The following CHST11 variants were observed in gnomAD, a reference collection of about 807,000 sequenced individuals.
CHST11 encodes the protein carbohydrate sulfotransferase 11.
In CHST11, 9 loss-of-function variants were observed where a neutral mutation model predicts 30.4. The observed-to-expected ratio is 0.30, with a 90% CI of 0.18 to 0.52. The LOEUF is 0.52. Ranked by LOEUF, CHST11 falls within the 20% of genes least tolerant of loss-of-function variation. The pLI, the probability that CHST11 is intolerant of heterozygous loss-of-function variation, is 0.97. For synonymous variants in CHST11, 152 were observed against 187.8 expected (o/e 0.81, Z 1.56); for missense variants, 348 against 460.6 (o/e 0.76, Z 2.24).
chr12:104,599,363 C>T (rs1451030426), intron 1 of CHST11, among the ~76,000 whole-genome samples: 1 of 152,196 alleles, frequency 6.6e-6, no homozygotes, highest in Non-Finnish European at 1.5e-5. Flanking sequence ...TTTCACCGCG[C>T]GGTCCCGGAG....
intron 1 of CHST11, among the ~76,000 whole-genome samples, chr12:104,557,032 T>C (rs1199043531): frequency 3.3e-5 from 5 of 151,906 alleles, no homozygotes. Flanking sequence ...CACCAGTCAT[T>C]GGATATTGGA....
chr12:104,554,687 T>A (rs2038437808), intron 1 of CHST11, among the ~76,000 whole-genome samples: 1 of 152,216 alleles, frequency 6.6e-6, no homozygotes, highest in African/African-American at 2.4e-5. Context: ...TGCTTCGATC[T>A]GTGCAATACT....
intron 1 of CHST11, among the ~76,000 whole-genome samples, chr12:104,530,625 T>C (rs185151354): frequency 1.6e-4 from 25 of 152,374 alleles, no homozygotes; most frequent in Non-Finnish European, 3.5e-4. Flanking sequence ...CTAGCTATCT[T>C]GAAATGTAGG....
At chr12:104,476,704 T>C (rs1030317037) in intron 1 of CHST11, among the ~76,000 whole-genome samples, 2 of 152,010 alleles carry the variant, frequency 1.3e-5, no homozygotes, top group African/African-American at 4.8e-5. Flanking sequence ...TCTAGAAGAT[T>C]GTATCTATTG....
In CHST11 at chr12:104,635,387, C is replaced by T. The variant is rs972555102; in HGVS notation, c.204+33396C>T. Among the ~76,000 whole-genome samples the T allele has an allele frequency of 1.8e-4, 28 of 152,306 alleles. No individual in the cohort carries two copies. In the East Asian group the frequency reaches 3.3e-3, roughly 18 times the overall value. ...GCCTGGCCTTCCGGTGGCACACGCC[C>T]GGGGCTTCCAGTGTTTTGATATAAA... On this transcript the variant is annotated intron_variant, in intron 2 of 2. Transcript: ENST00000303694.
chr12:104,582,552 C>A (rs984908486), intron 1 of CHST11, among the ~76,000 whole-genome samples: 10 of 152,160 alleles, frequency 6.6e-5, no homozygotes, highest in Admixed American at 1.3e-4. Flanking sequence ...AGTTTAAGTT[C>A]TTTCTGTGCA....
chr12:104,733,298 A>T (rs1478646542), intron 2 of CHST11, among the ~76,000 whole-genome samples: 1 of 152,226 alleles, frequency 6.6e-6, no homozygotes, highest in Non-Finnish European at 1.5e-5. Context: ...CTCAGAGTAG[A>T]TCCAAGATTT....
intron 1 of CHST11, among the ~76,000 whole-genome samples, chr12:104,513,123 T>TGGTGGGGGGGGGGGGG (rs1555229062): frequency 8.8e-4 from 3 of 3,390 alleles, no homozygotes; most frequent in Non-Finnish European, 7.0e-4. Flanking sequence ...ATGTCATGAC[T>TGGTGGGGGGGGGGGGG]GGGGGGGGGG....
At chr12:104,581,867 G>T (rs567028645) in intron 1 of CHST11, among the ~76,000 whole-genome samples, 1 of 152,310 alleles carries the variant, frequency 6.6e-6, no homozygotes, top group African/African-American at 2.4e-5. Context: ...ATTTGTCTTG[G>T]CTTGGAAAAC....
At chr12:104,617,989 A>G (rs750554279) in intron 2 of CHST11, among the ~76,000 whole-genome samples, 1 of 150,380 alleles carries the variant, frequency 6.6e-6, no homozygotes, top group Non-Finnish European at 1.5e-5. Flanking sequence ...GCTCACTGCA[A>G]CCTCCACCTC....
intron 2 of CHST11, among the ~76,000 whole-genome samples, chr12:104,672,875 T>C (rs1011447359): frequency 2.0e-5 from 3 of 152,230 alleles, no homozygotes; most frequent in Non-Finnish European, 4.4e-5. Context: ...GAAACCCTGA[T>C]GCTTGGCCAT....
intron 1 of CHST11, among the ~76,000 whole-genome samples, chr12:104,548,432 C>A (rs1480564289): frequency 6.6e-6 from 1 of 152,284 alleles, no homozygotes; most frequent in South Asian, 2.1e-4. Context: ...GAGATGGTCA[C>A]AGTCAGTTCT....
chr12:104,708,736 A>T (rs1437106016), intron 2 of CHST11, among the ~76,000 whole-genome samples: 2 of 152,100 alleles, frequency 1.3e-5, no homozygotes, highest in African/African-American at 2.4e-5. Context: ...CCATGTAGAG[A>T]CATCCCCTTG....
chr12:104,744,931 T>C (rs933031016), intron 2 of CHST11, among the ~76,000 whole-genome samples: 9 of 152,118 alleles, frequency 5.9e-5, no homozygotes, highest in African/African-American at 2.2e-4. Flanking sequence ...TGGAGTGCAA[T>C]GGCATGATCT....
intron 1 of CHST11, among the ~76,000 whole-genome samples, chr12:104,485,220 A>G (rs1195543518): frequency 1.3e-5 from 2 of 152,156 alleles, no homozygotes; most frequent in African/African-American, 4.8e-5. Flanking sequence ...ACACATCCTG[A>G]GGCGATTCTG....
chr12:104,592,223 A>C (rs111370227), intron 1 of CHST11, among the ~76,000 whole-genome samples: 4 of 146,602 alleles, frequency 2.7e-5, no homozygotes, highest in South Asian at 2.2e-4. Context: ...AGCATACCCC[A>C]CTGGCCAGGA....
rs562829783 is a variant in CHST11, at chr12:104,718,687, G to A, written c.205-38262G>A. ...CTACTTTAGAACTGAAATTGGGGGC[G>A]TCTCCTCCCTGCCACCCAGGACTGT... On this transcript the variant is annotated intron_variant, in intron 2 of 2. Transcript: ENST00000303694. Among the ~76,000 whole-genome samples, 18 of 152,264 alleles carry A rather than the reference G, an allele frequency of 1.2e-4. No individual in the cohort carries two copies. The South Asian group carries it at 3.1e-3, about 26-fold the overall frequency.
chr12:104,736,182 C>G lies in CHST11; in HGVS notation c.205-20767C>G, dbSNP rs76076516. 4.9e-3 allele frequency among the ~76,000 whole-genome samples: 752 copies of G among 152,238 alleles called. 13 individuals carry two copies. Among genetic ancestry groups the G allele is most frequent in the African/African-American group, 0.017 (712 of 41,522 alleles). ...CATGCTTCTCGCCTCTGGTATAAAT[C>G]CTCCCTTCCCCAAAGTTCCCCCTGC... is the stretch of plus-strand genomic sequence containing the variant. On this transcript the variant is annotated intron_variant, in intron 2 of 2. Transcript: ENST00000303694.
intron 2 of CHST11, among the ~76,000 whole-genome samples, chr12:104,632,929 G>C (rs945657298): frequency 6.6e-6 from 1 of 152,232 alleles, no homozygotes; most frequent in African/African-American, 2.4e-5. Flanking sequence ...GAGGGGGTGA[G>C]GGAAGGTGTT....
Sources: gnomAD v4.1 joint callset for allele counts (sites outside exome capture counted in the v4.1 genomes callset) on GRCh38, gnomAD v4.1.1 for gene constraint, MANE v1.5 for transcripts, NCBI Gene and HGNC (gene_info 2026-07-23, HGNC 2026-07-21) for gene names.